Variants in GAD2 observed in about 807,000 individuals in gnomAD.
GAD2 encodes the protein 65 kDa glutamic acid decarboxylase.
A neutral mutation model predicts 80.1 loss-of-function variants in GAD2; 22 were observed. That is an observed-to-expected ratio of 0.27 (90% CI 0.20 to 0.39). GAD2 has a LOEUF of 0.39. Ranked by LOEUF, GAD2 falls within the 10% of genes least tolerant of loss-of-function variation. The pLI is 1.00. For missense variants in GAD2, 624 were observed against 738.4 expected (o/e 0.85, Z 1.80); for synonymous variants, 274 against 256.9 (o/e 1.07, Z -0.64).
chr10:26,301,072 G>C lies in GAD2; in HGVS notation c.*111G>C. On this transcript the variant is annotated 3_prime_UTR_variant, in exon 16 of 16. Coordinates refer to ENST00000376261, the MANE Select transcript of GAD2 (RefSeq NM_001134366.2). ...AAAGTAAATCTATTTCTATATTGTG[G>C]TGTCAAAGTAGAGTTTAAAAATTAA... The C allele has an allele frequency of 1.1e-6, 1 of 938,668 alleles. No homozygotes were observed. Among genetic ancestry groups the C allele is most frequent in the Non-Finnish European group, 1.6e-6 (1 of 619,866 alleles). The allele number at this position is 938,668 out of a possible 1,614,324, so 58.1% of individuals were successfully genotyped here. A position where few individuals can be genotyped will look rare whatever the true frequency, so the allele number is the denominator to read the frequency against.
intron 15 of GAD2, among the ~76,000 whole-genome samples, chr10:26,293,924 A>G (rs917648259): frequency 1.3e-5 from 2 of 152,180 alleles, no homozygotes; most frequent in African/African-American, 4.8e-5. Flanking sequence ...GAGAAAATGT[A>G]ACTCCCAAAA....
At chr10:26,250,513 A>T (rs1844866533) in intron 8 of GAD2, among the ~76,000 whole-genome samples, 1 of 152,004 alleles carries the variant, frequency 6.6e-6, no homozygotes, top group African/African-American at 2.4e-5. Flanking sequence ...GGGAAGAAGG[A>T]GGGGTCGGGA....
chr10:26,283,292 T>C (rs1845294196), intron 12 of GAD2, among the ~76,000 whole-genome samples: 1 of 152,156 alleles, frequency 6.6e-6, no homozygotes, highest in Non-Finnish European at 1.5e-5. Flanking sequence ...AGTAAATGTG[T>C]GTAGGAATGG....
intron 8 of GAD2, among the ~76,000 whole-genome samples, chr10:26,251,592 C>T (rs1023564832): frequency 6.6e-6 from 1 of 152,204 alleles, no homozygotes. Flanking sequence ...TACGAATAAC[C>T]TTTGTATCCT....
At chr10:26,226,359 T>G (rs1028403901) in intron 6 of GAD2, among the ~76,000 whole-genome samples, 1 of 152,196 alleles carries the variant, frequency 6.6e-6, no homozygotes, top group Non-Finnish European at 1.5e-5. Context: ...TGGAGAAGAC[T>G]TCAGCTTGAG....
intron 12 of GAD2, among the ~76,000 whole-genome samples, chr10:26,282,551 A>C (rs1845283220): frequency 1.3e-5 from 2 of 152,152 alleles, no homozygotes; most frequent in African/African-American, 4.8e-5. Context: ...TGTGAGCATT[A>C]TCTTCCAAAA....
Position 26,245,906 on chromosome 10 carries a change from A to T in GAD2, c.841-15A>T, listed in dbSNP as rs111929632. On this transcript the variant is annotated splice_polypyrimidine_tract_variant and intron_variant, in intron 7 of 15. Transcript: ENST00000376261. Reference sequence around the variant, plus strand: ...TATATGGAACTAATTGCAAATATATATATTTTTTTTACAGAGTCATTTTTC... The same window carrying T: ...TATATGGAACTAATTGCAAATATATTTATTTTTTTTACAGAGTCATTTTTC... The T allele has an allele frequency of 9.4e-6, 15 of 1,595,648 alleles. No individual in the cohort carries two copies. The highest frequency in any genetic ancestry group is 6.7e-5 in the East Asian group (3 of 44,716).
intron 8 of GAD2, among the ~76,000 whole-genome samples, chr10:26,268,734 G>A (rs926944668): frequency 3.9e-5 from 6 of 152,134 alleles, no homozygotes; most frequent in Non-Finnish European, 8.8e-5. Flanking sequence ...GAAATTGCAG[G>A]TCGGTTTATT....
At chr10:26,229,854 C>A in intron 7 of GAD2, 77 bp downstream of exon 7, 1 of 1,064,804 alleles carries the variant, frequency 9.4e-7, no homozygotes, top group Non-Finnish European at 1.4e-6. Context: ...GCTGGAAATG[C>A]ATTATCCCCA....
chr10:26,280,879 AAAAT>A (rs1845263245), intron 11 of GAD2, 126 bp from the exon 12 acceptor site: 1 of 565,814 alleles, frequency 1.8e-6, no homozygotes, highest in South Asian at 2.3e-5. Flanking sequence ...TTTTAAAATT[AAAAT>A]AAATAAATAC....
At chr10:26,284,215 T>C (rs1442888607) in intron 12 of GAD2, among the ~76,000 whole-genome samples, 1 of 152,170 alleles carries the variant, frequency 6.6e-6, no homozygotes, top group Non-Finnish European at 1.5e-5. Flanking sequence ...AGTTCCCCAA[T>C]AAGAGAGTTC....
intron 8 of GAD2, among the ~76,000 whole-genome samples, chr10:26,260,665 G>C (rs1844998747): frequency 6.6e-6 from 1 of 152,044 alleles, no homozygotes; most frequent in Non-Finnish European, 1.5e-5. Context: ...TAGAATTTCT[G>C]AGCCCAGGAC....
intron 8 of GAD2, among the ~76,000 whole-genome samples, chr10:26,246,642 CAATT>C (rs962637394): frequency 6.6e-6 from 1 of 152,206 alleles, no homozygotes; most frequent in African/African-American, 2.4e-5. Context: ...GGAAGCCACT[CAATT>C]GGCCATTTAT....
At position 26,217,464 on chromosome 10, in the gene GAD2, C is replaced by T; in HGVS notation, c.77-146C>T. The T allele has an allele frequency of 1.3e-6, 1 of 792,182 alleles. No individual in the cohort carries two copies. The highest frequency in any genetic ancestry group is 1.6e-5 in the South Asian group (1 of 62,272). 49.1% of individuals were successfully genotyped at this position (792,182 alleles called of 1,614,324 possible). A position where few individuals can be genotyped will look rare whatever the true frequency, so the allele number is the denominator to read the frequency against. On this transcript the variant is annotated intron_variant, in intron 1 of 15. Coordinates refer to ENST00000376261, the MANE Select transcript of GAD2 (RefSeq NM_001134366.2). The surrounding 1 kb of genome is among the most constrained non-coding windows in gnomAD (Gnocchi z 4.9). ...CCGCTTGCCTTCTGCACCTGCCGGC[C>T]TCACCGAGTCCTGAGCGGCCCCCAG...
At chr10:26,280,459 G>C (rs1253511061) in intron 11 of GAD2, among the ~76,000 whole-genome samples, 1 of 152,020 alleles carries the variant, frequency 6.6e-6, no homozygotes, top group Non-Finnish European at 1.5e-5. Flanking sequence ...ACTGGGGAGG[G>C]GCCTTCCAGG....
At chr10:26,237,208 C>T (rs1364478163) in intron 7 of GAD2, among the ~76,000 whole-genome samples, 1 of 152,176 alleles carries the variant, frequency 6.6e-6, no homozygotes, top group African/African-American at 2.4e-5. Context: ...CCTGAGATCC[C>T]ATCCACGCCA....
At chr10:26,232,154 T>C (rs988257826) in intron 7 of GAD2, among the ~76,000 whole-genome samples, 1 of 152,220 alleles carries the variant, frequency 6.6e-6, no homozygotes, top group Non-Finnish European at 1.5e-5. Flanking sequence ...TCTCCTCAAT[T>C]ACTATTTTCC....
intron 7 of GAD2, among the ~76,000 whole-genome samples, chr10:26,244,781 A>T (rs894861898): frequency 5.9e-5 from 9 of 152,292 alleles, no homozygotes; most frequent in African/African-American, 1.9e-4. Context: ...AGATGCAAAG[A>T]GTTCTGAAGA....
At position 26,302,644 on chromosome 10, in the gene GAD2, A is replaced by G. The variant is rs920949682; in HGVS notation, c.*1683A>G. 5 of 152,254 alleles carry G rather than the reference A, an allele frequency of 3.3e-5. No homozygotes were observed. The highest frequency in any genetic ancestry group is 5.9e-5 in the Non-Finnish European group (4 of 68,044). 9.4% of individuals were successfully genotyped at this position (152,254 alleles called of 1,614,324 possible). ...GAGAAGGCCCTGCCCTTCAACGGGT[A>G]GAAATGCCCTACAATATAACATAGA... On this transcript the variant is annotated 3_prime_UTR_variant, in exon 16 of 16. Coordinates refer to ENST00000376261, the MANE Select transcript of GAD2 (RefSeq NM_001134366.2).
Sources: gnomAD v4.1 joint callset for allele counts (sites outside exome capture counted in the v4.1 genomes callset) on GRCh38, gnomAD v4.1.1 for gene constraint, Gnocchi (gnomAD v3.1) non-coding constraint, MANE v1.5 for transcripts, NCBI Gene and HGNC (gene_info 2026-07-23, HGNC 2026-07-21) for gene names.